Variants in GMDS observed in about 807,000 individuals in gnomAD.
GMDS encodes the protein GDP-mannose 4,6 dehydratase.
GMDS carries 20 observed loss-of-function variants against 49.9 expected under a neutral mutation model. The ratio of observed to expected loss-of-function variants is 0.40; its 90% CI spans 0.28 to 0.58. GMDS has a LOEUF of 0.58. GMDS is among the 20% of genes least tolerant of loss of function. GMDS has a pLI of 0.42. For missense variants in GMDS, 362 were observed against 481.4 expected, an observed-to-expected ratio of 0.75 and a Z score of 2.32; for synonymous variants, 177 against 178.6, an observed-to-expected ratio of 0.99 and a Z score of 0.07.
chr6:2,115,235 A>G (rs1774778606), intron 4 of GMDS, among the ~76,000 whole-genome samples: 1 of 152,210 alleles, frequency 6.6e-6, no homozygotes. Context: ...AATAGAGGGG[A>G]AAATCCACAC....
chr6:1,926,143 A>C (rs560805717), intron 7 of GMDS, among the ~76,000 whole-genome samples: 8 of 152,030 alleles, frequency 5.3e-5, no homozygotes, highest in Admixed American at 6.6e-5. Context: ...AAAACCTTGC[A>C]CTCATTCTCC....
In GMDS at chr6:1,993,700, T is replaced by C. The variant is rs139865179; in HGVS notation, c.346-32734A>G. On this transcript the variant is annotated intron_variant, in intron 4 of 10. Transcript: ENST00000380815. Reference sequence around the variant, plus strand: ...CAGAGCTTTAAGTTAATCCTAACATTTACTCTCCAGCCCTCAATCTTTAAT... The same window carrying C: ...CAGAGCTTTAAGTTAATCCTAACATCTACTCTCCAGCCCTCAATCTTTAAT... Among the ~76,000 whole-genome samples, 19 of 151,424 alleles carry C rather than the reference T, an allele frequency of 1.3e-4. 1 individual carries two copies. The East Asian group carries it at 3.7e-3, about 29-fold the overall frequency.
intron 8 of GMDS, among the ~76,000 whole-genome samples, chr6:1,732,027 G>A (rs1204478748): frequency 6.6e-6 from 1 of 152,184 alleles, no homozygotes. Context: ...AATGACAATT[G>A]TACATAGAAG....
intron 1 of GMDS, among the ~76,000 whole-genome samples, chr6:2,209,356 T>C (rs1779956081): frequency 1.3e-5 from 2 of 152,232 alleles, no homozygotes; most frequent in Non-Finnish European, 1.5e-5. Context: ...TCTGCAGATC[T>C]GATGTTTTAA....
At chr6:1,803,593 T>C (rs555050696) in intron 7 of GMDS, among the ~76,000 whole-genome samples, 3 of 151,844 alleles carry the variant, frequency 2.0e-5, no homozygotes, top group Non-Finnish European at 2.9e-5. Context: ...AATAAATAAA[T>C]AAATATAATA....
At chr6:1,769,401 C>A (rs949610982) in intron 7 of GMDS, among the ~76,000 whole-genome samples, 18 of 152,216 alleles carry the variant, frequency 1.2e-4, no homozygotes, top group Non-Finnish European at 2.2e-4. Flanking sequence ...AGCTAAAATC[C>A]AAGTTATATT....
At chr6:1,780,317 G>A (rs1036432304) in intron 7 of GMDS, among the ~76,000 whole-genome samples, 3 of 152,166 alleles carry the variant, frequency 2.0e-5, no homozygotes, top group Non-Finnish European at 4.4e-5. Flanking sequence ...ACCATGTAGT[G>A]CCACAGAGAT....
chr6:2,196,228 G>T (rs76032287), intron 1 of GMDS, among the ~76,000 whole-genome samples: 2 of 152,144 alleles, frequency 1.3e-5, no homozygotes, highest in African/African-American at 4.8e-5. Context: ...AATTATCAAG[G>T]ACTAAAACAC....
intron 4 of GMDS, among the ~76,000 whole-genome samples, chr6:2,011,832 A>G (rs1767580320): frequency 6.6e-6 from 1 of 152,196 alleles, no homozygotes; most frequent in Non-Finnish European, 1.5e-5. Context: ...CTGAGATGGG[A>G]AAACCCCTGA....
At chr6:1,787,487 G>C (rs1202358637) in intron 7 of GMDS, among the ~76,000 whole-genome samples, 1 of 152,174 alleles carries the variant, frequency 6.6e-6, no homozygotes, top group Admixed American at 6.5e-5. Context: ...TTCACTTACA[G>C]TAAGGGAAAA....
chr6:2,162,571 T>G (rs923445600), intron 1 of GMDS, among the ~76,000 whole-genome samples: 8 of 152,036 alleles, frequency 5.3e-5, no homozygotes, highest in African/African-American at 1.9e-4. Context: ...ATTTTAAACT[T>G]CATACTTAAA....
intron 7 of GMDS, among the ~76,000 whole-genome samples, chr6:1,819,999 T>C (rs1369528009): frequency 1.3e-5 from 2 of 151,842 alleles, no homozygotes; most frequent in Admixed American, 1.3e-4. Context: ...ACACAATAAC[T>C]ACATATATCA....
At chr6:1,783,441 C>T (rs1336429177) in intron 7 of GMDS, among the ~76,000 whole-genome samples, 8 of 152,294 alleles carry the variant, frequency 5.3e-5, no homozygotes, top group South Asian at 4.1e-4. Context: ...TATGGTGCTT[C>T]GTTGACCACT....
At chr6:2,153,814 CAA>C (rs1368159556) in intron 1 of GMDS, among the ~76,000 whole-genome samples, 2 of 152,052 alleles carry the variant, frequency 1.3e-5, no homozygotes, top group Non-Finnish European at 2.9e-5. Context: ...AAATGTACGA[CAA>C]GTTATATACA....
At chr6:2,096,769 A>C (rs1471796740) in intron 4 of GMDS, among the ~76,000 whole-genome samples, 5 of 152,216 alleles carry the variant, frequency 3.3e-5, no homozygotes, top group Admixed American at 3.3e-4. Context: ...TCTCCATTCA[A>C]ACAGATGGAT....
intron 6 of GMDS, among the ~76,000 whole-genome samples, chr6:1,941,525 G>A (rs988108583): frequency 5.3e-5 from 8 of 152,160 alleles, no homozygotes; most frequent in African/African-American, 1.9e-4. Flanking sequence ...GAGAGCTTCT[G>A]AAAGAGGTGG....
At chr6:1,625,820 T>C (rs62390618) in intron 9 of GMDS, among the ~76,000 whole-genome samples, 15,705 of 152,236 alleles carry the variant, frequency 0.1, 1,077 homozygotes, top group Middle Eastern at 0.15. Context: ...ACTCGTCAAA[T>C]AACACATCAG....
chr6:1,692,213 A>G (rs1765198189), intron 9 of GMDS, among the ~76,000 whole-genome samples: 1 of 152,228 alleles, frequency 6.6e-6, no homozygotes, highest in African/African-American at 2.4e-5. Context: ...TCGGCCACAG[A>G]CTGAAGGCTG....
intron 4 of GMDS, among the ~76,000 whole-genome samples, chr6:2,037,809 A>T (rs929868470): frequency 6.6e-6 from 1 of 152,170 alleles, no homozygotes; most frequent in Non-Finnish European, 1.5e-5. Context: ...CAACCTGCAC[A>T]TGGTTTCTAA....
Sources: gnomAD v4.1 joint callset for allele counts (sites outside exome capture counted in the v4.1 genomes callset) on GRCh38, gnomAD v4.1.1 for gene constraint, MANE v1.5 for transcripts, NCBI Gene and HGNC (gene_info 2026-07-23, HGNC 2026-07-21) for gene names.